The following MBD6 variants were observed in gnomAD, a reference collection of about 807,000 sequenced individuals.
The protein encoded by MBD6 is methyl-CpG-binding domain protein 6.
Under a neutral mutation model 66.8 loss-of-function variants are expected in MBD6, and 22 were observed. That is an observed-to-expected ratio of 0.33 (90% CI 0.24 to 0.47). The LOEUF is 0.47. Among genes scored for constraint, MBD6 ranks in the 20% least tolerant of loss-of-function variants. MBD6 has a pLI of 1.00. For missense variants in MBD6, 1,322 were observed against 1,286.9 expected, an observed-to-expected ratio of 1.03 and a Z score of -0.42; for synonymous variants, 540 against 534.6, an observed-to-expected ratio of 1.01 and a Z score of -0.14.
rs1879209087 is a variant in MBD6 at position 57,528,329 on chromosome 12, G to A, written c.2589G>A (p.Gly863=). The A allele has an allele frequency of 4.3e-6, 7 of 1,609,522 alleles. No individual in the cohort carries two copies. Among genetic ancestry groups the A allele is most frequent in the Non-Finnish European group, 5.9e-6 (7 of 1,177,934 alleles). The change falls in exon 10 of 13, where the codon GGG becomes GGA. Residue 863 remains glycine (G), a synonymous_variant. Transcript: ENST00000355673. ...GSGKRGRRGG[G]GLRGINGEAR... ...GGAAACGGGGCCGGAGGGGAGGAGG[G>A]GGACTTAGGGGCATTAATGGTGAGG...
In MBD6 at chr12:57,527,947, C is replaced by CT. The variant is rs1374408392; in HGVS notation, c.2337dup (p.Gly780TrpfsTer13). ...GGCCAGTTGGGGCTGCAGCTCCTCC[C>CT]TGGGGGGGGAGCTCCTCCACCCCTC... On this transcript the variant is annotated frameshift_variant, in exon 9 of 13. Transcript: ENST00000355673. LOFTEE classifies it high-confidence loss of function. The CT allele has an allele frequency of 1.2e-6, 2 of 1,600,072 alleles. No homozygotes were observed. Among genetic ancestry groups the CT allele is most frequent in the African/African-American group, 2.7e-5 (2 of 74,054 alleles).
chr12:57,527,378 A>G (rs1879069377), intron 7 of MBD6, 129 bp from the exon 8 acceptor site: 2 of 1,259,322 alleles, frequency 1.6e-6, no homozygotes, highest in South Asian at 2.6e-5. Flanking sequence ...TGACTGCAAG[A>G]ATTGGGTCTG....
In MBD6 at chr12:57,529,444, C is replaced by G; in HGVS notation, c.*210C>G. On this transcript the variant is annotated 3_prime_UTR_variant, in exon 13 of 13. Transcript: ENST00000355673. ...CCCCCCCCCACCACCCCCCCGCCCC[C>G]CCGAAGCCATGTCACTGAAAAGGCC... 5 of 566,170 alleles carry G rather than the reference C, an allele frequency of 8.8e-6. 1 individual carries two copies. The Admixed American group carries it at 1.2e-4, about 14-fold the overall frequency. 35.1% of individuals were successfully genotyped at this position (566,170 alleles called of 1,614,324 possible). A position where few individuals can be genotyped will look rare whatever the true frequency, so the allele number is the denominator to read the frequency against.
Position 57,526,757 on chromosome 12 carries a change from C to A in MBD6, c.1612C>A (p.Leu538Ile). 3 of 1,586,392 alleles carry A rather than the reference C, an allele frequency of 1.9e-6. No individual in the cohort carries two copies. The highest frequency in any genetic ancestry group is 2.6e-6 in the Non-Finnish European group (3 of 1,163,452). ...GAGTGGAGCTGGCTTCCCTGGGATG[C>A]TTGGGGCCTTGCCTCTCCCTCTGAG... ...ALSGAGFPGM[L>I]GALPLPLSLG... is the part of the protein sequence containing the mutation. Residue 538 changes from leucine to isoleucine, a missense_variant, in exon 7 of 13, where the codon CTT (leucine) becomes ATT (isoleucine). Leu to Ile is a conservative substitution (Grantham distance 5). Transcript: ENST00000355673.
intron 11 of MBD6, 75 bp from the exon 12 acceptor site, chr12:57,528,871 A>C (rs965054783): frequency 6.2e-7 from 1 of 1,610,572 alleles, no homozygotes; most frequent in Admixed American, 1.7e-5. Context: ...AAATGTAGAA[A>C]GTTTCCCACC....
chr12:57,526,232 G>C lies in MBD6; in HGVS notation c.1264G>C (p.Gly422Arg). The C allele has an allele frequency of 1.2e-6, 2 of 1,613,864 alleles. No homozygotes were observed. The highest frequency in any genetic ancestry group is 1.7e-6 in the Non-Finnish European group (2 of 1,179,964). The change falls in exon 6 of 13, where the codon GGC becomes CGC. Residue 422 changes from glycine to arginine, a missense_variant. Transcript: ENST00000355673. ...GTCCCTGCTGGGACTCCCCACCCCT[G>C]GCCCTTCCCACTCTGATGGAAGCTT... ...VLSLLGLPTP[G>R]PSHSDGSFNL...
At chr12:57,522,333 T>C (rs1878406010), upstream of MBD6, among the ~76,000 whole-genome samples, 1 of 152,184 alleles carries the variant, frequency 6.6e-6, no homozygotes, top group Non-Finnish European at 1.5e-5. Context: ...GGTCGTGTTG[T>C]GACATGTTGA....
rs559823736 is a variant in MBD6 at position 57,524,615 on chromosome 12, C to G, written c.114-105C>G. On this transcript the variant is annotated intron_variant, in intron 3 of 12. Transcript: ENST00000355673. Reference sequence around the variant, plus strand: ...TTCTGTGTCTTCCCACATTCCTTATCCTCTGTTCTTCTAGGAGGATCTGTA... The same window carrying G: ...TTCTGTGTCTTCCCACATTCCTTATGCTCTGTTCTTCTAGGAGGATCTGTA... The G allele has an allele frequency of 3.1e-5, 36 of 1,178,652 alleles. No individual in the cohort carries two copies. In the East Asian group the frequency reaches 6.9e-4, roughly 23 times the overall value. 73.0% of individuals were successfully genotyped at this position (1,178,652 alleles called of 1,614,324 possible). A position where few individuals can be genotyped will look rare whatever the true frequency, so the allele number is the denominator to read the frequency against.
chr12:57,524,713 C>T lies in MBD6; in HGVS notation c.114-7C>T, dbSNP rs183250746. On this transcript the variant is annotated splice_region_variant and splice_polypyrimidine_tract_variant and intron_variant, in intron 3 of 12. Coordinates refer to ENST00000355673, the MANE Select transcript of MBD6 (RefSeq NM_052897.4). Reference sequence around the variant, plus strand: ...ACCCCATGTCCTCTGACCCTGTCCTCTCGCAGTCCAAGTGGCACAGAGCTG... The same window carrying T: ...ACCCCATGTCCTCTGACCCTGTCCTTTCGCAGTCCAAGTGGCACAGAGCTG... The T allele has an allele frequency of 1.4e-4, 225 of 1,613,978 alleles. No homozygotes were observed. In the Middle Eastern group the frequency reaches 1.5e-3, roughly 11 times the overall value.
At chr12:57,528,899 C>T (rs766384180) in intron 11 of MBD6, 47 bp from the exon 12 acceptor site, 1 of 1,613,746 alleles carries the variant, frequency 6.2e-7, no homozygotes, top group Non-Finnish European at 8.5e-7. Flanking sequence ...CTGAAATTCA[C>T]CTGGTGCTTG....
upstream of MBD6, chr12:57,522,759 A>ACGGGGGCGGCGG (rs1878463772): frequency 1.3e-5 from 2 of 153,606 alleles, no homozygotes; most frequent in African/African-American, 4.9e-5. Flanking sequence ...TGCGGCAGCG[A>ACGGGGGCGGCGG]CGGCGGCGGC....
rs927416096 is a variant in MBD6, at chr12:57,526,207, G to A, written c.1239G>A (p.Leu413=). 6.1e-5 allele frequency: 99 copies of A among 1,613,926 alleles called. No individual in the cohort carries two copies. The highest frequency in any genetic ancestry group is 7.9e-5 in the Non-Finnish European group (93 of 1,180,008). ...CCCAACCAATTCTCCCTTCTGTGCT[G>A]TCCCTGCTGGGACTCCCCACCCCTG... ...EPSQPILPSV[L]SLLGLPTPGP... is the part of the protein sequence containing the mutation. Residue 413 remains leucine (L), a synonymous_variant, in exon 6 of 13, where the codon CTG becomes CTA. Coordinates refer to ENST00000355673, the MANE Select transcript of MBD6 (RefSeq NM_052897.4).
In MBD6 at chr12:57,528,691, C is replaced by G. The variant is rs1281509435; in HGVS notation, c.2846C>G (p.Ser949Cys). The G allele has an allele frequency of 6.2e-7, 1 of 1,614,128 alleles. No individual in the cohort carries two copies. The highest frequency in any genetic ancestry group is 2.2e-5 in the East Asian group (1 of 44,874). Residue 949 changes from serine (S) to cysteine (C), a missense_variant, in exon 11 of 13, where the codon TCT (serine) becomes TGT (cysteine). Ser to Cys is a moderately radical substitution (Grantham distance 112, BLOSUM62 -1). Transcript: ENST00000355673. ...LKVPPGVVRKSRRGRRRKYNP... is the reference protein window; with the variant it reads ...LKVPPGVVRKCRRGRRRKYNP... Reference sequence around the variant, plus strand: ...GTGCCCCCGGGAGTAGTCAGAAAGTCTCGTCGTGGCCGTAGGAGAAAATAC... The same window carrying G: ...GTGCCCCCGGGAGTAGTCAGAAAGTGTCGTCGTGGCCGTAGGAGAAAATAC...
chr12:57,525,110 C>G lies in MBD6; in HGVS notation c.374C>G (p.Ser125Cys), dbSNP rs1878775869. Residue 125 changes from serine to cysteine, a missense_variant, in exon 5 of 13, where the codon TCT becomes TGT. Physicochemically the swap from Ser to Cys is moderately radical, Grantham distance 112. Transcript: ENST00000355673. ...RSMETTCSHS[S>C]PGEGASPQMF... is the part of the protein sequence containing the mutation. ...ATGGAGACCACCTGCTCACACTCTTCTCCTGGTGAGTCTTCTGCCACTTTA... is the reference window on the plus strand; with the variant it reads ...ATGGAGACCACCTGCTCACACTCTTGTCCTGGTGAGTCTTCTGCCACTTTA... 4 of 1,607,090 alleles carry G rather than the reference C, an allele frequency of 2.5e-6. No homozygotes were observed. The highest frequency in any genetic ancestry group is 1.7e-6 in the Non-Finnish European group (2 of 1,178,328).
chr12:57,528,230 C>G lies in MBD6; in HGVS notation c.2490C>G (p.Pro830=). ...SALEPEPARP[P]LSALAPPHGS... Reference sequence around the variant, plus strand: ...TCGAACCAGAGCCTGCCAGGCCTCCCCTCAGTGCCTTAGCCCCACCCCATG... The same window carrying G: ...TCGAACCAGAGCCTGCCAGGCCTCCGCTCAGTGCCTTAGCCCCACCCCATG... Residue 830 remains proline, a synonymous_variant, in exon 10 of 13, where the codon CCC becomes CCG. Coordinates refer to ENST00000355673, the MANE Select transcript of MBD6 (RefSeq NM_052897.4). The G allele has an allele frequency of 6.2e-7, 1 of 1,608,746 alleles. No individual in the cohort carries two copies. Among genetic ancestry groups the G allele is most frequent in the East Asian group, 2.2e-5 (1 of 44,870 alleles).
Position 57,526,190 on chromosome 12 carries a change from A to G in MBD6, c.1222A>G (p.Ile408Val), listed in dbSNP as rs1359303937. 8 of 1,613,244 alleles carry G rather than the reference A, an allele frequency of 5.0e-6. No homozygotes were observed. The highest frequency in any genetic ancestry group is 1.3e-5 in the African/African-American group (1 of 74,658). ...PFSLPEPSQP[I>V]LPSVLSLLGL... The stretch of plus-strand genomic sequence containing the variant: ...TTCTCTCCCGGAGCCATCCCAACCA[A>G]TTCTCCCTTCTGTGCTGTCCCTGCT... Residue 408 changes from isoleucine to valine, a missense_variant, in exon 6 of 13, where the codon ATT becomes GTT. Ile to Val is a conservative substitution (Grantham distance 29, BLOSUM62 3). Coordinates refer to ENST00000355673, the MANE Select transcript of MBD6 (RefSeq NM_052897.4).
chr12:57,525,780 C>T lies in MBD6; in HGVS notation c.812C>T (p.Pro271Leu), dbSNP rs1403257724. ...TGTAGTGATGCCTTAACACCCCCTC[C>T]CCTGCCCCCGAGCAATAATCTCCCC... ...FHCSDALTPP[P>L]LPPSNNLPAH... The change falls in exon 6 of 13, where the codon CCC (proline) becomes CTC (leucine). Residue 271 changes from proline to leucine, a missense_variant. Physicochemically the swap from Pro to Leu is moderately conservative, Grantham distance 98 (BLOSUM62 -3). Coordinates refer to ENST00000355673, the MANE Select transcript of MBD6 (RefSeq NM_052897.4). 6.2e-7 allele frequency: 1 copy of T among 1,613,456 alleles called. No homozygotes were observed. Among genetic ancestry groups the T allele is most frequent in the Non-Finnish European group, 8.5e-7 (1 of 1,179,672 alleles).
intron 5 of MBD6, 21 bp downstream of exon 5, chr12:57,525,136 C>T (rs540452925): frequency 6.3e-6 from 10 of 1,597,110 alleles, no homozygotes; most frequent in Non-Finnish European, 7.7e-6. Flanking sequence ...TGCCACTTTA[C>T]AGAAGACCGA....
chr12:57,526,860 C>T lies in MBD6; in HGVS notation c.1715C>T (p.Pro572Leu). The change falls in exon 7 of 13, where the codon CCC becomes CTC. Residue 572 changes from proline to leucine, a missense_variant. Physicochemically the swap from Pro to Leu is moderately conservative, Grantham distance 98 (BLOSUM62 -3). Coordinates refer to ENST00000355673, the MANE Select transcript of MBD6 (RefSeq NM_052897.4). The part of the protein sequence containing the change: ...GVLTGGGGQP[P>L]PEPLLPPPGG... Reference sequence around the variant, plus strand: ...CTGACTGGGGGAGGAGGACAACCTCCCCCTGAGCCCCTGCTACCCCCACCA... The same window carrying T: ...CTGACTGGGGGAGGAGGACAACCTCTCCCTGAGCCCCTGCTACCCCCACCA... 6.2e-7 allele frequency: 1 copy of T among 1,613,428 alleles called. No individual in the cohort carries two copies.
Sources: allele counts gnomAD v4.1 joint callset (sites outside exome capture counted in the v4.1 genomes callset), GRCh38; gene constraint gnomAD v4.1.1; transcripts MANE v1.5; gene names NCBI Gene and HGNC (gene_info 2026-07-23, HGNC 2026-07-21).